Variants in VIRMA observed in about 807,000 individuals in gnomAD.
VIRMA encodes the protein vir like m6A methyltransferase associated.
Under a neutral mutation model 182.4 loss-of-function variants are expected in VIRMA, and 65 were observed. That is an observed-to-expected ratio of 0.36 (90% CI 0.29 to 0.44). The LOEUF is 0.44. Among genes scored for constraint, VIRMA ranks in the 20% least tolerant of loss-of-function variants. VIRMA has a pLI of 1.00. For missense variants in VIRMA, 1,752 were observed against 2,158.1 expected (o/e 0.81, Z 3.73); for synonymous variants, 709 against 743.1 (o/e 0.95, Z 0.75).
At position 94,510,494 on chromosome 8, in the gene VIRMA, T is replaced by C. The variant is rs570402151; in HGVS notation, c.3549A>G (p.Gln1183=). The change falls in exon 14 of 24, where the codon CAA becomes CAG. Residue 1183 remains glutamine (Q), a synonymous_variant. Coordinates refer to ENST00000297591, the MANE Select transcript of VIRMA (RefSeq NM_015496.5). ...CAGTTGGTGAGGCAAGGTCACACAA[T>C]TGAACACAAATACGCCGTAACATAT... ...IQHMLRRICV[Q]LCDLASPTAL... 6 of 1,614,102 alleles carry C rather than the reference T, an allele frequency of 3.7e-6. No individual in the cohort carries two copies. The highest frequency in any genetic ancestry group is 4.2e-6 in the Non-Finnish European group (5 of 1,180,006).
At chr8:94,489,915 A>G in intron 23 of VIRMA, 24 bp downstream of exon 23, 1 of 1,607,286 alleles carries the variant, frequency 6.2e-7, no homozygotes, top group Non-Finnish European at 8.5e-7. Context: ...TCTCTCAGCA[A>G]TATCAAGTAG....
At position 94,495,009 on chromosome 8, in the gene VIRMA, A is replaced by G. The variant is rs919183827; in HGVS notation, c.4545-53T>C. 2.6e-5 allele frequency: 27 copies of G among 1,050,060 alleles called. No homozygotes were observed. In the South Asian group the frequency reaches 3.1e-4, roughly 12 times the overall value. 65.0% of individuals were successfully genotyped at this position (1,050,060 alleles called of 1,614,324 possible). On this transcript the variant is annotated intron_variant, in intron 19 of 23. Coordinates refer to ENST00000297591, the MANE Select transcript of VIRMA (RefSeq NM_015496.5). ...AGCAGAATTCTAAAATCAAATTTCA[A>G]TTTTTTTTTTTTGAGACACAGTCTT...
intron 1 of VIRMA, among the ~76,000 whole-genome samples, chr8:94,552,450 C>T (rs1816023843): frequency 6.6e-6 from 1 of 152,002 alleles, no homozygotes; most frequent in African/African-American, 2.4e-5. Context: ...TTATATCTGT[C>T]CTCAAAAAGC....
At chr8:94,498,852 C>CA (rs1813875604) in intron 17 of VIRMA, 1 of 152,538 alleles carries the variant, frequency 6.6e-6, no homozygotes, top group Non-Finnish European at 1.5e-5. Context: ...CCGAGGTGGG[C>CA]AGATCACCTA....
intron 11 of VIRMA, among the ~76,000 whole-genome samples, chr8:94,512,776 C>CA (rs1384095965): frequency 2.0e-5 from 3 of 151,440 alleles, no homozygotes; most frequent in East Asian, 1.9e-4. Flanking sequence ...AACCCTGTCT[C>CA]AAAAAAAATA....
chr8:94,494,464 G>C (rs542573677), intron 20 of VIRMA, among the ~76,000 whole-genome samples: 7 of 151,414 alleles, frequency 4.6e-5, no homozygotes, highest in African/African-American at 1.7e-4. Flanking sequence ...TGGTGGCACA[G>C]GCCTGTAATC....
chr8:94,518,855 A>C, intron 9 of VIRMA, 130 bp downstream of exon 9: 1 of 844,590 alleles, frequency 1.2e-6, no homozygotes, highest in Non-Finnish European at 1.8e-6. Context: ...CCTTTAATTA[A>C]CAAGTTTTGT....
In VIRMA at chr8:94,543,923, A is replaced by G; in HGVS notation, c.83T>C (p.Val28Ala). The G allele has an allele frequency of 6.2e-7, 1 of 1,608,974 alleles. No homozygotes were observed. The highest frequency in any genetic ancestry group is 8.5e-7 in the Non-Finnish European group (1 of 1,175,878). Residue 28 changes from valine (V) to alanine (A), a missense_variant, in exon 2 of 24, where the codon GTG becomes GCG. Coordinates refer to ENST00000297591, the MANE Select transcript of VIRMA (RefSeq NM_015496.5). ...PSAEQSSHIDVVRFPCVVYIN... is the reference protein window; with the variant it reads ...PSAEQSSHIDAVRFPCVVYIN... ...ATAAACCACACATGGAAAACGAACC[A>G]CATCTATATGAGAACTTTGCTGTAA...
Position 94,511,740 on chromosome 8 carries a change from G to C in VIRMA, c.2846-11C>G. 2 of 1,585,302 alleles carry C rather than the reference G, an allele frequency of 1.3e-6. No homozygotes were observed. The highest frequency in any genetic ancestry group is 1.7e-6 in the Non-Finnish European group (2 of 1,165,474). On this transcript the variant is annotated splice_polypyrimidine_tract_variant and intron_variant, in intron 12 of 23. Transcript: ENST00000297591. ...GATCTTTCTGTTGACCTTTATATAGGATAAGAAAAAGAAACAAAACTAATT... is the reference window on the plus strand; with the variant it reads ...GATCTTTCTGTTGACCTTTATATAGCATAAGAAAAAGAAACAAAACTAATT...
intron 11 of VIRMA, among the ~76,000 whole-genome samples, chr8:94,513,860 G>T (rs369277797): frequency 6.6e-6 from 1 of 152,112 alleles, no homozygotes; most frequent in African/African-American, 2.4e-5. Context: ...CTCAGAGTAA[G>T]AACACGGAAG....
intron 16 of VIRMA, among the ~76,000 whole-genome samples, chr8:94,504,645 A>G (rs1371647882): frequency 6.6e-6 from 1 of 152,176 alleles, no homozygotes; most frequent in East Asian, 1.9e-4. Context: ...AAGCAAGGAG[A>G]CCAATTAGGA....
intron 2 of VIRMA, among the ~76,000 whole-genome samples, chr8:94,538,921 A>T (rs1815440608): frequency 6.6e-6 from 1 of 151,882 alleles, no homozygotes; most frequent in Non-Finnish European, 1.5e-5. Context: ...TTCTTTTTAG[A>T]GACAGAGTCT....
chr8:94,526,247 T>A lies in VIRMA; in HGVS notation c.1997A>T (p.Asp666Val), dbSNP rs1204099748. Residue 666 changes from aspartate to valine, a missense_variant, in exon 8 of 24, where the codon GAT becomes GTT. Coordinates refer to ENST00000297591, the MANE Select transcript of VIRMA (RefSeq NM_015496.5). ...CCTAAAGAGAACAGGGTATGGATCA[T>A]CCCTCTCTGGAGGTCCAGTAATTCG... ...MARITGPPERDDPYPVLFRYL... is the reference protein window; with the variant it reads ...MARITGPPERVDPYPVLFRYL... 1 of 1,612,610 alleles carries A rather than the reference T, an allele frequency of 6.2e-7. No individual in the cohort carries two copies. The highest frequency in any genetic ancestry group is 1.7e-5 in the Admixed American group (1 of 59,774).
intron 16 of VIRMA, among the ~76,000 whole-genome samples, chr8:94,505,498 G>C (rs1814124788): frequency 6.6e-6 from 1 of 151,342 alleles, no homozygotes; most frequent in Non-Finnish European, 1.5e-5. Context: ...TTTGAGACAA[G>C]GTCTCCCTCT....
In VIRMA at chr8:94,511,054, C is replaced by T. The variant is rs1814354219; in HGVS notation, c.3390+131G>A. On this transcript the variant is annotated intron_variant, in intron 13 of 23. Coordinates refer to ENST00000297591, the MANE Select transcript of VIRMA (RefSeq NM_015496.5). ...CCAACTTGTTTCAGTTTTATCTCCCCCTCATCCGGTTATTTTATGTCTTTT... is the reference window on the plus strand; with the variant it reads ...CCAACTTGTTTCAGTTTTATCTCCCTCTCATCCGGTTATTTTATGTCTTTT... 6.2e-6 allele frequency: 9 copies of T among 1,440,332 alleles called. 1 individual carries two copies. 89.2% of individuals were successfully genotyped at this position (1,440,332 alleles called of 1,614,324 possible). A position where few individuals can be genotyped will look rare whatever the true frequency, so the allele number is the denominator to read the frequency against.
At position 94,488,627 on chromosome 8, in the gene VIRMA, T is replaced by G; in HGVS notation, c.*79A>C. On this transcript the variant is annotated 3_prime_UTR_variant, in exon 24 of 24. Transcript: ENST00000297591. ...GATGTCTCCAGATAACTGCTAAGTC[T>G]AAATTGGTCCTTCAATGTCTTATTT... 7.2e-7 allele frequency: 1 copy of G among 1,393,974 alleles called. No homozygotes were observed. The highest frequency in any genetic ancestry group is 9.9e-7 in the Non-Finnish European group (1 of 1,008,160). 86.4% of individuals were successfully genotyped at this position (1,393,974 alleles called of 1,614,324 possible).
chr8:94,529,200 T>C lies in VIRMA; in HGVS notation c.750A>G (p.Glu250=). 6.7e-7 allele frequency: 1 copy of C among 1,485,676 alleles called. No individual in the cohort carries two copies. The allele number at this position is 1,485,676 out of a possible 1,614,324, so 92.0% of individuals were successfully genotyped here. A position where few individuals can be genotyped will look rare whatever the true frequency, so the allele number is the denominator to read the frequency against. ...CCTCTACATCCACATCATCTTCATCTTCTTCTCCTTCTTCTTGTTGTTCCT... is the reference window on the plus strand; with the variant it reads ...CCTCTACATCCACATCATCTTCATCCTCTTCTCCTTCTTCTTGTTGTTCCT... The part of the protein sequence containing the change: ...VEEEQQEEGE[E]DEDDVDVEEE... The change falls in exon 7 of 24, where the codon GAA becomes GAG. Residue 250 remains glutamate (E), a synonymous_variant. Coordinates refer to ENST00000297591, the MANE Select transcript of VIRMA (RefSeq NM_015496.5).
chr8:94,519,541 A>G (rs1393880571), intron 8 of VIRMA, 65 bp from the exon 9 acceptor site: 1 of 1,482,564 alleles, frequency 6.7e-7, no homozygotes, highest in East Asian at 2.3e-5. Flanking sequence ...CTCAATATTC[A>G]GACAAGACAC....
chr8:94,537,869 G>A (rs1020534702), intron 3 of VIRMA, among the ~76,000 whole-genome samples: 3 of 152,134 alleles, frequency 2.0e-5, no homozygotes, highest in Admixed American at 2.0e-4. Flanking sequence ...TTTACAAAAT[G>A]TGGCTATGGA....
Sources: gnomAD v4.1 joint callset for allele counts (sites outside exome capture counted in the v4.1 genomes callset) on GRCh38, gnomAD v4.1.1 for gene constraint, MANE v1.5 for transcripts, NCBI Gene and HGNC (gene_info 2026-07-23, HGNC 2026-07-21) for gene names.